The following CACNA2D3 variants were observed in gnomAD, a reference collection of about 807,000 sequenced individuals.
The protein encoded by CACNA2D3 is voltage-dependent calcium channel subunit alpha-2/delta-3.
In CACNA2D3, 60 loss-of-function variants were observed where a neutral mutation model predicts 160.6. The ratio of observed to expected loss-of-function variants is 0.37; its 90% CI spans 0.30 to 0.46. CACNA2D3 has a LOEUF of 0.46. CACNA2D3 is among the 20% of genes least tolerant of loss of function. The probability of loss-of-function intolerance (pLI) is 1.00; values close to 1 mark genes in which losing one functional copy is unlikely to be tolerated. For missense variants in CACNA2D3, 1,205 were observed against 1,365.0 expected, an observed-to-expected ratio of 0.88 and a Z score of 1.85; for synonymous variants, 558 against 492.9, an observed-to-expected ratio of 1.13 and a Z score of -1.75.
At chr3:54,460,361 T>C (rs984278471) in intron 4 of CACNA2D3, among the ~76,000 whole-genome samples, 5 of 152,220 alleles carry the variant, frequency 3.3e-5, no homozygotes, top group Non-Finnish European at 1.5e-5. Context: ...TAAGTTACCT[T>C]GGGCAGTATG....
intron 5 of CACNA2D3, among the ~76,000 whole-genome samples, chr3:54,540,276 C>A (rs369278908): frequency 6.6e-6 from 1 of 152,146 alleles, no homozygotes; most frequent in Non-Finnish European, 1.5e-5. Context: ...CAGCGTTTCT[C>A]CCCTGGCTAA....
intron 9 of CACNA2D3, chr3:54,626,702 AAAAAAAAG>A (rs1321021889): frequency 1.9e-5 from 14 of 747,548 alleles, no homozygotes; most frequent in African/African-American, 1.7e-4. Context: ...AAAAAAAAAA[AAAAAAAAG>A]AAAGAAAAAG....
At chr3:54,359,516 A>G (rs1002039249) in intron 3 of CACNA2D3, among the ~76,000 whole-genome samples, 1 of 152,172 alleles carries the variant, frequency 6.6e-6, no homozygotes, top group Non-Finnish European at 1.5e-5. Flanking sequence ...CTGGATGACA[A>G]AGGGTAATTT....
intron 4 of CACNA2D3, among the ~76,000 whole-genome samples, chr3:54,424,739 C>T (rs1001017563): frequency 6.6e-6 from 1 of 152,186 alleles, no homozygotes. Flanking sequence ...CCTATCCTTG[C>T]CATTCTCTCC....
At chr3:54,823,894 G>A (rs1377068325) in intron 14 of CACNA2D3, among the ~76,000 whole-genome samples, 5 of 152,198 alleles carry the variant, frequency 3.3e-5, no homozygotes, top group African/African-American at 1.2e-4. Context: ...TGTATTATGA[G>A]CGTACATTAT....
intron 11 of CACNA2D3, among the ~76,000 whole-genome samples, chr3:54,677,874 A>G (rs1209140135): frequency 6.6e-6 from 1 of 152,138 alleles, no homozygotes. Flanking sequence ...CTCATCAGAG[A>G]CAAAGAAAGG....
intron 4 of CACNA2D3, among the ~76,000 whole-genome samples, chr3:54,431,406 G>A (rs1354093641): frequency 6.6e-6 from 1 of 151,922 alleles, no homozygotes; most frequent in Non-Finnish European, 1.5e-5. Flanking sequence ...AAATGAAAGT[G>A]GATCAATCAT....
chr3:54,840,089 G>A (rs1559601060), intron 16 of CACNA2D3, among the ~76,000 whole-genome samples: 2 of 152,084 alleles, frequency 1.3e-5, no homozygotes, highest in African/African-American at 4.8e-5. Flanking sequence ...CCCACCTGTA[G>A]AGAACTTTTC....
At chr3:54,369,858 A>G (rs1173789743) in intron 3 of CACNA2D3, among the ~76,000 whole-genome samples, 3 of 152,226 alleles carry the variant, frequency 2.0e-5, no homozygotes, top group Non-Finnish European at 4.4e-5. Flanking sequence ...CATAGTTATT[A>G]TATTTATTAT....
At chr3:54,615,510 G>A (rs1223279917) in intron 9 of CACNA2D3, among the ~76,000 whole-genome samples, 1 of 152,132 alleles carries the variant, frequency 6.6e-6, no homozygotes, top group African/African-American at 2.4e-5. Context: ...ATAATGGAGA[G>A]GGAACTCTAG....
At chr3:54,664,921 A>G (rs1453983479) in intron 11 of CACNA2D3, among the ~76,000 whole-genome samples, 1 of 152,256 alleles carries the variant, frequency 6.6e-6, no homozygotes, top group Non-Finnish European at 1.5e-5. Flanking sequence ...GCCCTGCTCC[A>G]TGCAGGCTAT....
intron 11 of CACNA2D3, among the ~76,000 whole-genome samples, chr3:54,738,027 G>A (rs1442601245): frequency 1.3e-5 from 2 of 152,218 alleles, no homozygotes; most frequent in African/African-American, 4.8e-5. Flanking sequence ...AGCAATGGAA[G>A]AGCTCAGGTA....
chr3:54,923,640 A>C (rs1239706990), intron 27 of CACNA2D3, among the ~76,000 whole-genome samples: 2 of 152,220 alleles, frequency 1.3e-5, no homozygotes, highest in African/African-American at 4.8e-5. Flanking sequence ...AGTGCCTGGC[A>C]TACAAAAGGC....
chr3:54,478,889 A>T (rs1700886981), intron 4 of CACNA2D3, among the ~76,000 whole-genome samples: 1 of 151,026 alleles, frequency 6.6e-6, no homozygotes, highest in South Asian at 2.1e-4. Flanking sequence ...ACTTATTGTT[A>T]ATCTCTTACA....
At chr3:54,801,038 G>C (rs1206082698) in intron 13 of CACNA2D3, among the ~76,000 whole-genome samples, 1 of 150,442 alleles carries the variant, frequency 6.6e-6, no homozygotes, top group Non-Finnish European at 1.5e-5. Context: ...CCAGGCTGGA[G>C]TGCAGTGGTA....
chr3:54,364,223 CT>C (rs1018548303), intron 3 of CACNA2D3, among the ~76,000 whole-genome samples: 4 of 152,168 alleles, frequency 2.6e-5, no homozygotes, highest in African/African-American at 9.7e-5. Flanking sequence ...TTAGTAAAGA[CT>C]TTTTTGACAC....
chr3:54,672,414 G>A (rs1164383587), intron 11 of CACNA2D3, among the ~76,000 whole-genome samples: 1 of 152,172 alleles, frequency 6.6e-6, no homozygotes, highest in Non-Finnish European at 1.5e-5. Flanking sequence ...TACCCTGCAA[G>A]TTCTAACCTC....
intron 11 of CACNA2D3, among the ~76,000 whole-genome samples, chr3:54,695,849 C>T (rs578131405): frequency 1.1e-4 from 16 of 152,290 alleles, no homozygotes; most frequent in African/African-American, 3.6e-4. Context: ...ATAATTTTCT[C>T]TGTTATTTGC....
chr3:54,571,611 A>G (rs1702497977), intron 8 of CACNA2D3, among the ~76,000 whole-genome samples: 1 of 105,144 alleles, frequency 9.5e-6, no homozygotes, highest in Non-Finnish European at 1.9e-5. Context: ...GCACTTAACC[A>G]AGTGTGTGTG....
Sources: gnomAD v4.1 joint callset for allele counts (sites outside exome capture counted in the v4.1 genomes callset) on GRCh38, gnomAD v4.1.1 for gene constraint, MANE v1.5 for transcripts, NCBI Gene and HGNC (gene_info 2026-07-23, HGNC 2026-07-21) for gene names.